The following SEL1L3 variants were observed in gnomAD, a reference collection of about 807,000 sequenced individuals.
SEL1L3 encodes protein sel-1 homolog 3.
Under a neutral mutation model 142.8 loss-of-function variants are expected in SEL1L3, and 76 were observed. The ratio of observed to expected loss-of-function variants is 0.53; its 90% confidence interval spans 0.44 to 0.64. SEL1L3 has a LOEUF of 0.64. SEL1L3 is among the 30% of genes least tolerant of loss of function. The pLI is 0.00. For synonymous variants in SEL1L3, 504 were observed against 519.6 expected (o/e 0.97, Z 0.41); for missense variants, 1,262 against 1,381.7 (o/e 0.91, Z 1.37).
chr4:25,731,266 C>T, the SEL1L3 span, among the ~76,000 whole-genome samples: 1 of 152,170 alleles, frequency 6.6e-6, no homozygotes, highest in Admixed American at 6.5e-5. Context: ...TTTTACTGGC[C>T]ATGGAGTTTC....
chr4:25,714,633 G>A, the SEL1L3 span, among the ~76,000 whole-genome samples: 1 of 147,400 alleles, frequency 6.8e-6, no homozygotes, highest in African/African-American at 2.5e-5. Flanking sequence ...GTGCAGTGGT[G>A]CAATTTTGGC....
chr4:25,852,542 C>T (rs902920524), intron 1 of SEL1L3, among the ~76,000 whole-genome samples: 1 of 152,240 alleles, frequency 6.6e-6, no homozygotes, highest in East Asian at 1.9e-4. Flanking sequence ...CCAGGGATCG[C>T]TGGTGCTGGC....
chr4:25,818,711 A>G (rs1020133796), intron 8 of SEL1L3, among the ~76,000 whole-genome samples: 2 of 152,206 alleles, frequency 1.3e-5, no homozygotes, highest in African/African-American at 4.8e-5. Context: ...CTGAGAGTAC[A>G]TAAGTTACCA....
intron 1 of SEL1L3, among the ~76,000 whole-genome samples, chr4:25,856,310 A>T (rs1044457208): frequency 6.6e-6 from 1 of 152,172 alleles, no homozygotes; most frequent in Non-Finnish European, 1.5e-5. Context: ...CCTTAAAAGC[A>T]CAGTCTAAAT....
Position 25,835,273 on chromosome 4 carries a change from CTG to C in SEL1L3, c.782_783del (p.Thr261ArgfsTer51). The C allele has an allele frequency of 6.2e-7, 1 of 1,614,016 alleles. No individual in the cohort carries two copies. The highest frequency in any genetic ancestry group is 8.5e-7 in the Non-Finnish European group (1 of 1,179,890). ...GFPYASSGEN[T>X]GIVKKFPRFR... ...AACCTCGGGAACTTCTTGACAATGC[CTG>C]TGTTTTCTCCACTGGAGGCATAAGG... On this transcript the variant is annotated frameshift_variant, in exon 3 of 24. Coordinates refer to ENST00000399878, the MANE Select transcript of SEL1L3 (RefSeq NM_015187.5). LOFTEE classifies it high-confidence loss of function.
intron 1 of SEL1L3, among the ~76,000 whole-genome samples, chr4:25,848,171 G>T (rs1032313272): frequency 6.6e-6 from 1 of 152,182 alleles, no homozygotes; most frequent in Non-Finnish European, 1.5e-5. Flanking sequence ...GCAGAAGTTG[G>T]TTCACAACAA....
At chr4:25,818,856 A>C (rs976544483) in intron 8 of SEL1L3, among the ~76,000 whole-genome samples, 1 of 152,192 alleles carries the variant, frequency 6.6e-6, no homozygotes, top group Admixed American at 6.5e-5. Flanking sequence ...TCTTAAATTG[A>C]ATTGCAGAAG....
Position 25,748,429 on chromosome 4 carries a change from C to G in SEL1L3, c.3395G>C (p.Gly1132Ala), listed in dbSNP as rs984727728. 9.9e-6 allele frequency: 16 copies of G among 1,608,124 alleles called. No individual in the cohort carries two copies. Among genetic ancestry groups the G allele is most frequent in the Non-Finnish European group, 1.4e-5 (16 of 1,177,570 alleles). The part of the protein sequence containing the change: ...PTVTNNPEPR[G>A] Reference sequence around the variant, plus strand: ...GAGAGAACTGGAGTGCACAGTTCACCCACGTGGCTCCGGGTTATTAGTTAC... The same window carrying G: ...GAGAGAACTGGAGTGCACAGTTCACGCACGTGGCTCCGGGTTATTAGTTAC... The change falls in exon 24 of 24, where the codon GGG becomes GCG. Residue 1132 changes from glycine (G) to alanine (A), a missense_variant. Physicochemically the swap from Gly to Ala is moderately conservative, Grantham distance 60 (BLOSUM62 0). Transcript: ENST00000399878.
At chr4:25,743,005 A>T (rs1717163643), downstream of SEL1L3, among the ~76,000 whole-genome samples, 1 of 152,200 alleles carries the variant, frequency 6.6e-6, no homozygotes, top group Non-Finnish European at 1.5e-5. Flanking sequence ...ACGAGTTATG[A>T]ACCCAAATGC....
intron 15 of SEL1L3, 53 bp downstream of exon 15, chr4:25,782,189 C>G (rs1560295618): frequency 2.6e-6 from 4 of 1,530,468 alleles, no homozygotes; most frequent in Non-Finnish European, 3.6e-6. Flanking sequence ...TCAACAAATG[C>G]TTCATGATCA....
intron 10 of SEL1L3, among the ~76,000 whole-genome samples, chr4:25,804,117 T>C (rs1445803494): frequency 6.6e-6 from 1 of 152,250 alleles, no homozygotes; most frequent in Non-Finnish European, 1.5e-5. Context: ...CCGTCTGGTA[T>C]GGCGTTTATT....
At chr4:25,744,670 C>T (rs937444582), downstream of SEL1L3, among the ~76,000 whole-genome samples, 19 of 152,144 alleles carry the variant, frequency 1.2e-4, no homozygotes, top group African/African-American at 4.3e-4. Context: ...GGCAGGCATT[C>T]ATTAATTAGA....
the SEL1L3 span, among the ~76,000 whole-genome samples, chr4:25,726,343 C>T: frequency 6.6e-6 from 1 of 151,838 alleles, no homozygotes; most frequent in East Asian, 1.9e-4. Context: ...GCCTGACCAA[C>T]ATGGTGAAAC....
At chr4:25,841,310 A>G (rs1577683213) in intron 2 of SEL1L3, among the ~76,000 whole-genome samples, 2 of 152,230 alleles carry the variant, frequency 1.3e-5, no homozygotes, top group Non-Finnish European at 1.5e-5. Flanking sequence ...CTGGGATCAC[A>G]GGCGTGAGCC....
chr4:25,831,706 C>A (rs1715459845), intron 5 of SEL1L3, among the ~76,000 whole-genome samples: 2 of 151,534 alleles, frequency 1.3e-5, no homozygotes, highest in African/African-American at 4.9e-5. Flanking sequence ...TGTATTTTTA[C>A]CAGAGACGGG....
chr4:25,729,519 G>T, the SEL1L3 span, among the ~76,000 whole-genome samples: 5 of 152,136 alleles, frequency 3.3e-5, no homozygotes, highest in African/African-American at 1.2e-4. Context: ...TTCGAGGCCA[G>T]CCTGGACAAT....
At position 25,782,433 on chromosome 4, in the gene SEL1L3, A is replaced by C; in HGVS notation, c.2281-15T>G. On this transcript the variant is annotated splice_polypyrimidine_tract_variant and intron_variant, in intron 14 of 23. Coordinates refer to ENST00000399878, the MANE Select transcript of SEL1L3 (RefSeq NM_015187.5). ...TGATGCAATCCCTGAATTTTGGAACAAGAAAGAAATTAACTTTAGAAAAAT... is the reference window on the plus strand; with the variant it reads ...TGATGCAATCCCTGAATTTTGGAACCAGAAAGAAATTAACTTTAGAAAAAT... The C allele has an allele frequency of 6.2e-7, 1 of 1,607,062 alleles. No individual in the cohort carries two copies. Among genetic ancestry groups the C allele is most frequent in the Non-Finnish European group, 8.5e-7 (1 of 1,176,868 alleles).
At chr4:25,731,835 G>A in the SEL1L3 span, among the ~76,000 whole-genome samples, 5,230 of 152,182 alleles carry the variant, frequency 0.034, 308 homozygotes, top group African/African-American at 0.12. Context: ...CCCTTTGGGA[G>A]GCCGAGACAG....
chr4:25,808,215 A>T (rs1480373149), intron 9 of SEL1L3, among the ~76,000 whole-genome samples: 6 of 152,210 alleles, frequency 3.9e-5, no homozygotes, highest in African/African-American at 1.4e-4. Context: ...ATGGAGATTA[A>T]TGGTTTAATG....
Sources: gnomAD v4.1 joint callset for allele counts (sites outside exome capture counted in the v4.1 genomes callset) on GRCh38, gnomAD v4.1.1 for gene constraint, MANE v1.5 for transcripts, NCBI Gene and HGNC (gene_info 2026-07-23, HGNC 2026-07-21) for gene names.